The following KYNU variants were observed in gnomAD, a reference collection of about 807,000 sequenced individuals.
KYNU encodes L-kynurenine hydrolase.
Under a neutral mutation model 59.2 loss-of-function variants are expected in KYNU, and 54 were observed. The observed-to-expected ratio is 0.91, with a 90% CI of 0.73 to 1.14. KYNU has a LOEUF of 1.14. KYNU is among the 50% of genes most tolerant of loss of function. The probability of loss-of-function intolerance (pLI) is 0.00; values close to 1 mark genes in which losing one functional copy is unlikely to be tolerated. For synonymous variants in KYNU, 177 were observed against 192.0 expected, an observed-to-expected ratio of 0.92 and a Z score of 0.65; for missense variants, 567 against 554.4, an observed-to-expected ratio of 1.02 and a Z score of -0.23.
intron 10 of KYNU, among the ~76,000 whole-genome samples, chr2:142,986,426 A>G (rs1204200890): frequency 1.3e-5 from 2 of 151,966 alleles, no homozygotes; most frequent in Non-Finnish European, 2.9e-5. Context: ...TATTATTAAA[A>G]TTACATCTAC....
intron 2 of KYNU, among the ~76,000 whole-genome samples, chr2:142,889,917 C>T (rs1330711624): frequency 1.3e-5 from 2 of 151,602 alleles, no homozygotes; most frequent in Non-Finnish European, 2.9e-5. Flanking sequence ...ACAGGCATAG[C>T]CTGTACTTTT....
At chr2:142,881,517 T>G (rs1681296998) in intron 1 of KYNU, 1 of 152,102 alleles carries the variant, frequency 6.6e-6, no homozygotes, top group Admixed American at 6.6e-5. Context: ...TTAGTTAAGG[T>G]AAAAGGTGAA....
At chr2:142,958,784 G>A (rs181925105) in intron 7 of KYNU, among the ~76,000 whole-genome samples, 55 of 152,160 alleles carry the variant, frequency 3.6e-4, no homozygotes, top group Admixed American at 5.9e-4. Context: ...GTATCCTGTC[G>A]TTGAAAAATG....
rs556917429 is a variant in KYNU at position 142,921,049 on chromosome 2, A to G, written c.290+2320A>G. Among the ~76,000 whole-genome samples, 3 of 152,328 alleles carry G rather than the reference A, an allele frequency of 2.0e-5. No homozygotes were observed. In the South Asian group the frequency reaches 6.2e-4, roughly 32 times the overall value. ...AAAGTGATTGAGGGCCTGCCAATTAATTGACAACAGACAGGTTAACAGGAG... is the reference window on the plus strand; with the variant it reads ...AAAGTGATTGAGGGCCTGCCAATTAGTTGACAACAGACAGGTTAACAGGAG... On this transcript the variant is annotated intron_variant, in intron 3 of 13. Transcript: ENST00000264170.
chr2:142,924,080 C>G (rs562534213), intron 3 of KYNU, among the ~76,000 whole-genome samples: 59 of 152,260 alleles, frequency 3.9e-4, no homozygotes, highest in African/African-American at 1.2e-3. Context: ...AGATTTTTCA[C>G]AACATCTTTG....
rs1271154119 is a variant in KYNU at position 143,042,614 on chromosome 2, A to ATGTG, written c.*443_*444insGTGT. 3 of 29,976 alleles carry ATGTG rather than the reference A, an allele frequency of 1.0e-4. 1 individual carries two copies. The highest frequency in any genetic ancestry group is 3.2e-4 in the African/African-American group (3 of 9,352). The allele number at this position is 29,976 out of a possible 1,614,324, so 1.9% of individuals were successfully genotyped here. A position where few individuals can be genotyped will look rare whatever the true frequency, so the allele number is the denominator to read the frequency against. On this transcript the variant is annotated 3_prime_UTR_variant, in exon 14 of 14. Transcript: ENST00000264170. ...TATATATATATATATATATATATAT[A>ATGTG]TATATATATATATATATGTGTGTGT...
chr2:143,012,892 T>C (rs897640726), intron 10 of KYNU, among the ~76,000 whole-genome samples: 1 of 152,242 alleles, frequency 6.6e-6, no homozygotes, highest in African/African-American at 2.4e-5. Flanking sequence ...ACCACTCTTT[T>C]GTTCTCTATC....
chr2:142,896,497 T>C (rs1226513393), intron 2 of KYNU, among the ~76,000 whole-genome samples: 2 of 152,182 alleles, frequency 1.3e-5, no homozygotes, highest in Admixed American at 1.3e-4. Context: ...TTTTTGTTTT[T>C]TAATTGTTGA....
In KYNU at chr2:142,991,470, A is replaced by G. The variant is rs144382731; in HGVS notation, c.902+5449A>G. Among the ~76,000 whole-genome samples the G allele has an allele frequency of 2.4e-3, 365 of 151,986 alleles. 3 individuals are homozygous for G. The highest frequency in any genetic ancestry group is 6.8e-3 in the Middle Eastern group (2 of 294). ...TTTTTATAGAATCCCCAGTTGAAAT[A>G]TGACCTCGGCCTTCTGAGTCACCTG... On this transcript the variant is annotated intron_variant, in intron 10 of 13. Coordinates refer to ENST00000264170, the MANE Select transcript of KYNU (RefSeq NM_003937.3).
intron 8 of KYNU, among the ~76,000 whole-genome samples, chr2:142,976,462 T>C (rs1322802192): frequency 6.6e-6 from 1 of 150,924 alleles, no homozygotes; most frequent in Non-Finnish European, 1.5e-5. Context: ...TGTTTGTATA[T>C]ATTGACACAA....
At chr2:142,982,683 A>G (rs1260081580) in intron 8 of KYNU, among the ~76,000 whole-genome samples, 1 of 152,092 alleles carries the variant, frequency 6.6e-6, no homozygotes, top group Non-Finnish European at 1.5e-5. Flanking sequence ...TTCTCTCCCA[A>G]ACAACTTCAT....
intron 2 of KYNU, 71 bp downstream of exon 2, chr2:142,885,607 A>G (rs1573748010): frequency 5.5e-6 from 7 of 1,276,222 alleles, no homozygotes; most frequent in Non-Finnish European, 7.7e-6. Context: ...GTTTATTATA[A>G]TCTTTGAAAA....
chr2:142,991,649 G>C (rs1167786001), intron 10 of KYNU, among the ~76,000 whole-genome samples: 1 of 151,632 alleles, frequency 6.6e-6, no homozygotes, highest in Non-Finnish European at 1.5e-5. Context: ...GTTTTCTTTT[G>C]CTTCTGCTCC....
chr2:143,024,304 T>G (rs1428203884), intron 10 of KYNU, among the ~76,000 whole-genome samples: 1 of 151,996 alleles, frequency 6.6e-6, no homozygotes, highest in Non-Finnish European at 1.5e-5. Context: ...CTATTTACTG[T>G]TACCTTAATC....
intron 10 of KYNU, among the ~76,000 whole-genome samples, chr2:142,996,065 C>T (rs746716256): frequency 3.9e-5 from 6 of 152,034 alleles, no homozygotes; most frequent in African/African-American, 7.2e-5. Context: ...AATGCCCTAC[C>T]GTGGGAATAT....
intron 2 of KYNU, among the ~76,000 whole-genome samples, chr2:142,917,536 A>C (rs920825593): frequency 7.2e-5 from 11 of 152,154 alleles, no homozygotes; most frequent in Non-Finnish European, 1.5e-4. Flanking sequence ...TCCTGGGCTC[A>C]AGTGATCCTC....
chr2:143,007,155 T>A (rs1402230407), intron 10 of KYNU, among the ~76,000 whole-genome samples: 2 of 151,010 alleles, frequency 1.3e-5, no homozygotes, highest in Non-Finnish European at 1.5e-5. Flanking sequence ...GTTGAAAACT[T>A]CGAAAAAAAT....
chr2:143,001,606 T>C (rs989243753), intron 10 of KYNU, among the ~76,000 whole-genome samples: 8 of 152,304 alleles, frequency 5.3e-5, no homozygotes, highest in Non-Finnish European at 1.2e-4. Context: ...CCTGCTGGCT[T>C]GTTAAGATAC....
intron 2 of KYNU, among the ~76,000 whole-genome samples, chr2:142,894,949 T>A (rs925403762): frequency 2.0e-5 from 3 of 152,026 alleles, no homozygotes; most frequent in Non-Finnish European, 4.4e-5. Context: ...ACTACACACC[T>A]TTTTCTGTTC....
Sources: gnomAD v4.1 joint callset for allele counts (sites outside exome capture counted in the v4.1 genomes callset) on GRCh38, gnomAD v4.1.1 for gene constraint, MANE v1.5 for transcripts, NCBI Gene and HGNC (gene_info 2026-07-23, HGNC 2026-07-21) for gene names.